The following THSD7A variants were observed in gnomAD, a reference collection of about 807,000 sequenced individuals.
THSD7A encodes thrombospondin type-1 domain-containing protein 7A.
Under a neutral mutation model 231.3 loss-of-function variants are expected in THSD7A, and 96 were observed. The observed-to-expected ratio is 0.41, with a 90% CI of 0.35 to 0.49. The LOEUF (loss-of-function observed/expected upper bound fraction) is 0.49, where lower values mean the gene tolerates loss of function less well. Ranked by LOEUF, THSD7A falls within the 20% of genes least tolerant of loss-of-function variation. The pLI is 0.05. For missense variants in THSD7A, 2,290 were observed against 2,070.2 expected, an observed-to-expected ratio of 1.11 and a Z score of -2.06; for synonymous variants, 940 against 743.3, an observed-to-expected ratio of 1.26 and a Z score of -4.30.
chr7:11,809,505 C>A (rs1784475923), intron 1 of THSD7A, among the ~76,000 whole-genome samples: 1 of 152,082 alleles, frequency 6.6e-6, no homozygotes, highest in Non-Finnish European at 1.5e-5. Flanking sequence ...TGAGTGTATA[C>A]AAAAGCATAG....
Position 11,424,970 on chromosome 7 carries a change from T to A in THSD7A, c.3250-141A>T, listed in dbSNP as rs1450656786. 5 of 1,004,530 alleles carry A rather than the reference T, an allele frequency of 5.0e-6. No individual in the cohort carries two copies. In the East Asian group the frequency reaches 1.1e-4, roughly 21 times the overall value. 62.2% of individuals were successfully genotyped at this position (1,004,530 alleles called of 1,614,324 possible). On this transcript the variant is annotated intron_variant, in intron 15 of 27. Transcript: ENST00000423059. Reference sequence around the variant, plus strand: ...ACTGCTTATTATTCTAACATTGCAATAGAGAGAACTCAAGAGTTCTAGCAG... The same window carrying A: ...ACTGCTTATTATTCTAACATTGCAAAAGAGAGAACTCAAGAGTTCTAGCAG...
At chr7:11,573,657 T>C (rs6961209) in intron 4 of THSD7A, among the ~76,000 whole-genome samples, 5,337 of 152,294 alleles carry the variant, frequency 0.035, 329 homozygotes, top group African/African-American at 0.12. Flanking sequence ...ACAATATGTT[T>C]GCTTTCTGAT....
At chr7:11,425,619 TAAAGG>T (rs1784292474) in intron 15 of THSD7A, among the ~76,000 whole-genome samples, 1 of 151,958 alleles carries the variant, frequency 6.6e-6, no homozygotes, top group African/African-American at 2.4e-5. Context: ...AATGACTAAA[TAAAGG>T]AAATAAATGG....
At chr7:11,761,921 T>G (rs1056020181) in intron 1 of THSD7A, among the ~76,000 whole-genome samples, 5 of 152,090 alleles carry the variant, frequency 3.3e-5, no homozygotes, top group African/African-American at 1.2e-4. Flanking sequence ...TCCCCCCTTT[T>G]GGAGTACTCA....
Position 11,566,965 on chromosome 7 carries a change from T to TAG in THSD7A, c.1453+23494_1453+23495insCT. Reference sequence around the variant, plus strand: ...CAAAGTGGATCCAGCTGTGGGAGAGTGGGGGGGGGACTGACCAACAAAGTT... The same window carrying TAG: ...CAAAGTGGATCCAGCTGTGGGAGAGTAGGGGGGGGGGACTGACCAACAAAGTT... On this transcript the variant is annotated intron_variant, in intron 4 of 27. Transcript: ENST00000423059. Among the ~76,000 whole-genome samples the TAG allele has an allele frequency of 5.2e-4, 48 of 92,390 alleles. 11 individuals carry two copies. The highest frequency in any genetic ancestry group is 1.9e-3 in the African/African-American group (35 of 18,074). The allele number at this position is 92,390 out of a possible 152,430, so 60.6% of individuals were successfully genotyped here. A position where few individuals can be genotyped will look rare whatever the true frequency, so the allele number is the denominator to read the frequency against.
chr7:11,759,081 C>A (rs1005637272), intron 1 of THSD7A, among the ~76,000 whole-genome samples: 1 of 151,776 alleles, frequency 6.6e-6, no homozygotes, highest in African/African-American at 2.4e-5. Flanking sequence ...AGCCAAAAGA[C>A]GTCAAAGAAT....
At chr7:11,591,009 A>C (rs1780141377) in intron 3 of THSD7A, among the ~76,000 whole-genome samples, 1 of 152,226 alleles carries the variant, frequency 6.6e-6, no homozygotes, top group South Asian at 2.1e-4. Flanking sequence ...AATGGGAAAC[A>C]TTCTGAGTGA....
At chr7:11,392,913 C>G (rs1300420154) in intron 23 of THSD7A, among the ~76,000 whole-genome samples, 4 of 151,912 alleles carry the variant, frequency 2.6e-5, no homozygotes, top group African/African-American at 9.7e-5. Flanking sequence ...CTCCCATCTC[C>G]CTGGGATAGG....
intron 1 of THSD7A, among the ~76,000 whole-genome samples, chr7:11,810,049 C>A (rs1460878152): frequency 6.6e-6 from 1 of 152,098 alleles, no homozygotes; most frequent in Non-Finnish European, 1.5e-5. Flanking sequence ...CTCAAGCAGA[C>A]AATCCTATGG....
At chr7:11,380,830 A>T (rs183939926) in intron 24 of THSD7A, among the ~76,000 whole-genome samples, 2 of 152,334 alleles carry the variant, frequency 1.3e-5, no homozygotes, top group Admixed American at 1.3e-4. Context: ...TTTGGTACTG[A>T]ATAGCATTAG....
intron 1 of THSD7A, among the ~76,000 whole-genome samples, chr7:11,651,468 T>TTATC (rs935031191): frequency 1.0e-4 from 15 of 145,398 alleles, no homozygotes; most frequent in African/African-American, 3.1e-4. Flanking sequence ...TATCCATCTA[T>TTATC]TATCTATCTA....
At chr7:11,532,531 G>A (rs982008546) in intron 6 of THSD7A, among the ~76,000 whole-genome samples, 2 of 152,058 alleles carry the variant, frequency 1.3e-5, no homozygotes, top group Non-Finnish European at 2.9e-5. Flanking sequence ...CCCATCAAGA[G>A]GCAGAGTCTA....
At position 11,557,782 on chromosome 7, in the gene THSD7A, G is replaced by C. The variant is rs142584874; in HGVS notation, c.1454-14665C>G. ...TTGTCTTCACTAACATTGTGGGGGT[G>C]GGGAGTGCTTTACCAGATAGCAACT... On this transcript the variant is annotated intron_variant, in intron 4 of 27. Transcript: ENST00000423059. Among the ~76,000 whole-genome samples, 53 of 152,186 alleles carry C rather than the reference G, an allele frequency of 3.5e-4. No individual in the cohort carries two copies. The East Asian group carries it at 9.9e-3, about 28-fold the overall frequency.
At chr7:11,407,232 G>A in intron 20 of THSD7A, 74 bp downstream of exon 20, 2 of 1,443,880 alleles carry the variant, frequency 1.4e-6, no homozygotes, top group Non-Finnish European at 1.9e-6. Context: ...ATTTGATATG[G>A]GTTAAAGCAA....
intron 2 of THSD7A, 138 bp from the exon 3 acceptor site, chr7:11,593,640 A>AT: frequency 2.9e-6 from 3 of 1,028,040 alleles, no homozygotes; most frequent in Non-Finnish European, 4.2e-6. Context: ...AAAATACATC[A>AT]ACATTTATGA....
chr7:11,774,243 A>T (rs1315485813), intron 1 of THSD7A, among the ~76,000 whole-genome samples: 1 of 152,196 alleles, frequency 6.6e-6, no homozygotes. Flanking sequence ...TTTCCGAAAG[A>T]CAAAAACTGT....
intron 6 of THSD7A, among the ~76,000 whole-genome samples, chr7:11,537,527 C>G (rs147538300): frequency 1.1e-3 from 161 of 152,256 alleles, no homozygotes; most frequent in African/African-American, 3.7e-3. Context: ...TTGCTCCACT[C>G]TGTCATGTGA....
At chr7:11,594,223 G>C (rs945212978) in intron 2 of THSD7A, among the ~76,000 whole-genome samples, 1 of 152,122 alleles carries the variant, frequency 6.6e-6, no homozygotes, top group Non-Finnish European at 1.5e-5. Context: ...TTGCTCCTCA[G>C]CTTGCAGATG....
intron 4 of THSD7A, among the ~76,000 whole-genome samples, chr7:11,559,284 G>A (rs1789979465): frequency 6.6e-6 from 1 of 152,148 alleles, no homozygotes; most frequent in Admixed American, 6.6e-5. Flanking sequence ...TTACAGAACT[G>A]TATGATAAGG....
Sources: allele counts gnomAD v4.1 joint callset (sites outside exome capture counted in the v4.1 genomes callset), GRCh38; gene constraint gnomAD v4.1.1; transcripts MANE v1.5; gene names NCBI Gene and HGNC (gene_info 2026-07-23, HGNC 2026-07-21).